The following FGF13 variants were observed in gnomAD, a reference collection of about 807,000 sequenced individuals.
FGF13 encodes the protein fibroblast growth factor 13.
A neutral mutation model predicts 19.5 loss-of-function variants in FGF13; 2 were observed. The ratio of observed to expected loss-of-function variants is 0.10; its 90% CI spans 0.04 to 0.32. The LOEUF (loss-of-function observed/expected upper bound fraction) is 0.32. Ranked by LOEUF, FGF13 falls within the 10% of genes least tolerant of loss-of-function variation. The pLI is 1.00. For missense variants in FGF13, 113 were observed against 192.7 expected (o/e 0.59, Z 2.45); for synonymous variants, 72 against 76.9 (o/e 0.94, Z 0.33).
chrX:139,138,422 C>T (rs1163720237), intron 1 of FGF13, among the ~76,000 whole-genome samples: 1 of 111,803 alleles, frequency 8.9e-6, no homozygotes, highest in Non-Finnish European at 1.9e-5. Context: ...AAGTCAGAGG[C>T]TATTTCTGCA....
intron 1 of FGF13, among the ~76,000 whole-genome samples, chrX:138,720,284 G>C (rs1419435310): frequency 8.9e-6 from 1 of 112,187 alleles, no homozygotes; most frequent in African/African-American, 3.2e-5. Context: ...CTCACTTAAA[G>C]TTGCAATTTC....
intron 3 of FGF13, among the ~76,000 whole-genome samples, chrX:138,774,027 C>T (rs1281454507): frequency 9.0e-6 from 1 of 111,630 alleles, no homozygotes; most frequent in East Asian, 2.8e-4. Flanking sequence ...GTCTTACTGT[C>T]CTCTGTCCTT....
chrX:139,079,117 C>T (rs900475109), intron 1 of FGF13, among the ~76,000 whole-genome samples: 10 of 112,034 alleles, frequency 8.9e-5, no homozygotes, highest in African/African-American at 3.2e-4. Flanking sequence ...CGATTCGCAG[C>T]GTGTGTTGCT....
chrX:138,817,533 G>A (rs886677351), intron 3 of FGF13, among the ~76,000 whole-genome samples: 1 of 112,052 alleles, frequency 8.9e-6, no homozygotes, highest in African/African-American at 3.2e-5. Context: ...TCTGTAGGGT[G>A]CATGTATGCT....
At chrX:138,933,491 GA>G (rs1424466953) in intron 1 of FGF13, among the ~76,000 whole-genome samples, 2 of 111,107 alleles carry the variant, frequency 1.8e-5, no homozygotes, top group Non-Finnish European at 1.9e-5. Context: ...CAAACAGTGA[GA>G]GGCTGTCAAA....
chrX:139,125,273 G>A (rs2124474622), intron 1 of FGF13, among the ~76,000 whole-genome samples: 1 of 111,429 alleles, frequency 9.0e-6, no homozygotes, highest in East Asian at 2.8e-4. Flanking sequence ...TTTCATAAAT[G>A]TCTTCAATCA....
At chrX:138,831,038 C>G (rs1421471572) in intron 3 of FGF13, among the ~76,000 whole-genome samples, 2 of 110,917 alleles carry the variant, frequency 1.8e-5, no homozygotes, top group East Asian at 2.9e-4. Flanking sequence ...AGCACAGTGT[C>G]CCCTGGCCAA....
At chrX:139,089,843 CATT>C (rs1439034941) in intron 1 of FGF13, among the ~76,000 whole-genome samples, 1 of 111,203 alleles carries the variant, frequency 9.0e-6, no homozygotes, top group Admixed American at 9.5e-5. Context: ...TTGTGACCAT[CATT>C]ATTATTATTA....
chrX:138,700,812 T>C (rs1361544909), intron 3 of FGF13, among the ~76,000 whole-genome samples: 1 of 111,843 alleles, frequency 8.9e-6, no homozygotes, highest in East Asian at 2.8e-4. Context: ...AGGAAATACA[T>C]ACAAGATGTG....
chrX:139,101,399 T>G (rs111264081), intron 1 of FGF13, among the ~76,000 whole-genome samples: 2,626 of 112,837 alleles, frequency 0.023, 45 homozygotes, highest in Non-Finnish European at 0.037. Flanking sequence ...TTACTGCTAT[T>G]CCAACTACAG....
rs188616356 is a variant in FGF13, at chrX:138,879,712, T to C, written c.-112-15062A>G. On this transcript the variant is annotated intron_variant, in intron 1 of 2. Transcript: ENST00000421460. ...TGTGATGTTCCCTTCCCTGTGTCCA[T>C]GTGTTCTCATTGTTCAACTCCCACT... 7.5e-5 allele frequency among the ~76,000 whole-genome samples: 8 copies of C among 106,915 alleles called. No homozygotes were observed. In the Admixed American group the frequency reaches 8.1e-4, roughly 11 times the overall value. 92.8% of individuals were successfully genotyped at this position (106,915 alleles called of 115,157 possible).
intron 1 of FGF13, among the ~76,000 whole-genome samples, chrX:138,991,487 C>G (rs751523202): frequency 8.9e-6 from 1 of 112,142 alleles, no homozygotes; most frequent in Admixed American, 9.4e-5. Context: ...ATTTACTCCT[C>G]TAAATCATTC....
At chrX:138,949,949 T>TA (rs1468712085) in intron 1 of FGF13, among the ~76,000 whole-genome samples, 1 of 111,730 alleles carries the variant, frequency 9.0e-6, no homozygotes, top group Non-Finnish European at 1.9e-5. Flanking sequence ...TCTGTCCATG[T>TA]ATTGACTCTG....
chrX:139,013,965 CTG>C (rs1228688724), intron 1 of FGF13, among the ~76,000 whole-genome samples: 1 of 111,170 alleles, frequency 9.0e-6, no homozygotes, highest in Non-Finnish European at 1.9e-5. Context: ...ACTGTGGAAA[CTG>C]TGCAAATACA....
intron 3 of FGF13, among the ~76,000 whole-genome samples, chrX:138,676,383 G>C (rs2089666514): frequency 1.8e-5 from 2 of 111,155 alleles, no homozygotes; most frequent in African/African-American, 6.5e-5. Flanking sequence ...TCAAAGACAT[G>C]TTAAAACATG....
At chrX:138,988,821 T>C (rs1459367050) in intron 1 of FGF13, among the ~76,000 whole-genome samples, 1 of 112,240 alleles carries the variant, frequency 8.9e-6, no homozygotes, top group Non-Finnish European at 1.9e-5. Flanking sequence ...TGCACACCAT[T>C]GCACCATTCT....
At chrX:138,806,446 G>T (rs2090868564) in intron 3 of FGF13, 1 of 112,358 alleles carries the variant, frequency 8.9e-6, no homozygotes, top group Admixed American at 9.5e-5. Context: ...CGTCGAGGAA[G>T]TCAAAGCCAA....
At chrX:138,705,406 CAGA>C (rs1362259141) in intron 2 of FGF13, among the ~76,000 whole-genome samples, 2 of 111,293 alleles carry the variant, frequency 1.8e-5, no homozygotes, top group Non-Finnish European at 3.8e-5. Flanking sequence ...CATCAGAAAA[CAGA>C]AGGAGGAATA....
chrX:139,086,407 C>A (rs181097444), intron 1 of FGF13, among the ~76,000 whole-genome samples: 14 of 111,930 alleles, frequency 1.3e-4, no homozygotes, highest in African/African-American at 4.2e-4. Flanking sequence ...ATGAAGTTTC[C>A]TTTTGGTGTG....
Sources: gnomAD v4.1 joint callset for allele counts (sites outside exome capture counted in the v4.1 genomes callset) on GRCh38, gnomAD v4.1.1 for gene constraint, MANE v1.5 for transcripts, NCBI Gene and HGNC (gene_info 2026-07-23, HGNC 2026-07-21) for gene names.